The following MYO3B variants were observed in gnomAD, a reference collection of about 807,000 sequenced individuals.
The protein encoded by MYO3B is myosin-IIIb.
In MYO3B, 156 loss-of-function variants were observed where a neutral mutation model predicts 174.6. That is an observed-to-expected ratio of 0.89 (90% CI 0.78 to 1.02). MYO3B has a LOEUF of 1.02. Among genes scored for constraint, MYO3B ranks in the 50% least tolerant of loss-of-function variants. The pLI is 0.00. For synonymous variants in MYO3B, 563 were observed against 569.1 expected, an observed-to-expected ratio of 0.99 and a Z score of 0.15; for missense variants, 1,632 against 1,639.4, an observed-to-expected ratio of 1.00 and a Z score of 0.08.
intron 22 of MYO3B, among the ~76,000 whole-genome samples, chr2:170,415,585 A>G (rs370910550): frequency 6.6e-6 from 1 of 152,238 alleles, no homozygotes; most frequent in African/African-American, 2.4e-5. Context: ...TTGTTGCTCA[A>G]TAAATGAATA....
At chr2:170,459,976 C>T (rs552471096) in intron 23 of MYO3B, among the ~76,000 whole-genome samples, 2 of 152,204 alleles carry the variant, frequency 1.3e-5, no homozygotes, top group South Asian at 2.1e-4. Flanking sequence ...TCAAGGGACG[C>T]GCAGCCCTGG....
intron 7 of MYO3B, among the ~76,000 whole-genome samples, chr2:170,248,264 G>A (rs2093213979): frequency 6.6e-6 from 1 of 152,086 alleles, no homozygotes; most frequent in Admixed American, 6.5e-5. Context: ...GGGCTGAGGA[G>A]GGGTTTAAAG....
chr2:170,601,745 A>G (rs1694523359), intron 32 of MYO3B: 4 of 1,469,836 alleles, frequency 2.7e-6, no homozygotes, highest in Non-Finnish European at 3.8e-6. Flanking sequence ...TTAGCTCGAT[A>G]TGTAGCTGTA....
intron 7 of MYO3B, among the ~76,000 whole-genome samples, chr2:170,281,153 G>T (rs969411578): frequency 6.6e-6 from 1 of 151,958 alleles, no homozygotes; most frequent in African/African-American, 2.4e-5. Context: ...TGATTTCTTT[G>T]AGCAGTGTTT....
chr2:170,413,558 G>C (rs2094559009), intron 22 of MYO3B, among the ~76,000 whole-genome samples: 1 of 152,158 alleles, frequency 6.6e-6, no homozygotes, highest in African/African-American at 2.4e-5. Context: ...TGACTAGTGA[G>C]AGCCAGGGTG....
intron 32 of MYO3B, chr2:170,646,824 T>G (rs1698421860): frequency 1.3e-6 from 1 of 772,770 alleles, no homozygotes; most frequent in Non-Finnish European, 2.0e-6. Flanking sequence ...CAGTAACAAT[T>G]GTTAAATTGA....
chr2:170,394,978 T>A lies in MYO3B; in HGVS notation c.1791+2483T>A, dbSNP rs147375781. On this transcript the variant is annotated intron_variant, in intron 16 of 34. Transcript: ENST00000408978. The stretch of plus-strand genomic sequence containing the variant: ...CTGATCAAGTCAATCAAAATTATGG[T>A]TCTTCTCCTTTCTTACAATGTCACT... Among the ~76,000 whole-genome samples the A allele has an allele frequency of 1.9e-3, 287 of 152,350 alleles. 3 individuals are homozygous for A. In the Middle Eastern group the frequency reaches 0.041, roughly 22 times the overall value.
intron 3 of MYO3B, among the ~76,000 whole-genome samples, chr2:170,213,336 C>T (rs568118968): frequency 6.6e-6 from 1 of 152,132 alleles, no homozygotes; most frequent in African/African-American, 2.4e-5. Context: ...AGGGGGTCCG[C>T]GTGAGAGAGT....
intron 7 of MYO3B, among the ~76,000 whole-genome samples, chr2:170,236,424 G>A (rs890888892): frequency 6.6e-6 from 1 of 152,132 alleles, no homozygotes; most frequent in Admixed American, 6.5e-5. Context: ...ATAAGACTAC[G>A]AATGGAATTG....
chr2:170,487,619 C>A (rs965833307), intron 25 of MYO3B, among the ~76,000 whole-genome samples: 5 of 152,188 alleles, frequency 3.3e-5, no homozygotes, highest in African/African-American at 4.8e-5. Flanking sequence ...ATGTTTCAGT[C>A]TGTGTAATTA....
intron 32 of MYO3B, chr2:170,650,018 T>C (rs13035962): frequency 7.9e-6 from 1 of 125,836 alleles, no homozygotes; most frequent in African/African-American, 3.1e-5. Flanking sequence ...GATGTGATAG[T>C]CTTTTTTTTT....
chr2:170,565,016 A>G (rs896572338), intron 32 of MYO3B, among the ~76,000 whole-genome samples: 6 of 151,982 alleles, frequency 3.9e-5, no homozygotes, highest in East Asian at 3.8e-4. Flanking sequence ...AGGGGGAAAA[A>G]CTCCTTTAGA....
At chr2:170,383,839 C>T (rs369698348) in intron 12 of MYO3B, 25 bp downstream of exon 12, 14 of 1,550,972 alleles carry the variant, frequency 9.0e-6, no homozygotes, top group African/African-American at 5.4e-5. Context: ...TCCTTTCCTA[C>T]GGAGTCACCC....
intron 28 of MYO3B, among the ~76,000 whole-genome samples, chr2:170,502,938 T>G (rs1687374034): frequency 6.6e-6 from 1 of 152,158 alleles, no homozygotes; most frequent in Non-Finnish European, 1.5e-5. Context: ...AGAGTGCTAT[T>G]AAAATGCAAA....
At chr2:170,601,363 T>C (rs1332429069) in intron 32 of MYO3B, among the ~76,000 whole-genome samples, 1 of 152,182 alleles carries the variant, frequency 6.6e-6, no homozygotes, top group Non-Finnish European at 1.5e-5. Context: ...TGCTTTAAAT[T>C]TCCATGCCAG....
chr2:170,578,594 T>A (rs1692938973), intron 32 of MYO3B, among the ~76,000 whole-genome samples: 1 of 152,228 alleles, frequency 6.6e-6, no homozygotes, highest in Non-Finnish European at 1.5e-5. Flanking sequence ...AATTTACATT[T>A]TACATAATCT....
rs140155703 is a variant in MYO3B, at chr2:170,593,934, T to C, written c.3733+49946T>C. Among the ~76,000 whole-genome samples the C allele has an allele frequency of 1.0e-3, 158 of 152,310 alleles. 1 individual carries two copies. Among genetic ancestry groups the C allele is most frequent in the African/African-American group, 3.7e-3 (154 of 41,566 alleles). ...TCGCTGATATTGTACATTCTGATAT[T>C]CATAAAGACACTGTCACCAACTGTT... On this transcript the variant is annotated intron_variant, in intron 32 of 34. Transcript: ENST00000408978.
chr2:170,610,299 C>T (rs1253486531), intron 32 of MYO3B, among the ~76,000 whole-genome samples: 1 of 151,996 alleles, frequency 6.6e-6, no homozygotes, highest in African/African-American at 2.4e-5. Context: ...CGAGATCATG[C>T]CGCTGTACTC....
intron 1 of MYO3B, among the ~76,000 whole-genome samples, chr2:170,186,713 A>G (rs1049407251): frequency 5.9e-5 from 9 of 152,142 alleles, no homozygotes; most frequent in African/African-American, 2.2e-4. Context: ...GTTCTTCTTT[A>G]AATGTTTAGT....
Sources: gnomAD v4.1 joint callset for allele counts (sites outside exome capture counted in the v4.1 genomes callset) on GRCh38, gnomAD v4.1.1 for gene constraint, MANE v1.5 for transcripts, NCBI Gene and HGNC (gene_info 2026-07-23, HGNC 2026-07-21) for gene names.